The following DENND2B variants were observed in gnomAD, a reference collection of about 807,000 sequenced individuals.
The protein encoded by DENND2B is DENN domain containing 2B.
In DENND2B, 32 loss-of-function variants were observed where a neutral mutation model predicts 116.0. The observed-to-expected ratio is 0.28, with a 90% CI of 0.21 to 0.37. The LOEUF is 0.37. DENND2B is among the 10% of genes least tolerant of loss of function. DENND2B has a pLI of 1.00. For synonymous variants in DENND2B, 588 were observed against 583.9 expected (o/e 1.01, Z -0.10); for missense variants, 1,276 against 1,477.7 (o/e 0.86, Z 2.24).
rs771529266 is a variant in DENND2B at position 8,718,366 on chromosome 11, G to C, written c.1478-474C>G. On this transcript the variant is annotated intron_variant, in intron 4 of 19. Transcript: ENST00000313726. ...ATCTCCCTGGGGACCTACTTTGGAG[G>C]GTGGGCATGGAGGAACTCACAGAAC... 10 of 1,535,348 alleles carry C rather than the reference G, an allele frequency of 6.5e-6. No homozygotes were observed. The South Asian group carries it at 1.2e-4, about 18-fold the overall frequency.
intron 1 of DENND2B, among the ~76,000 whole-genome samples, chr11:8,892,431 A>C (rs2064045635): frequency 1.3e-5 from 2 of 152,158 alleles, no homozygotes; most frequent in Non-Finnish European, 2.9e-5. Flanking sequence ...ACACAAAAAA[A>C]CCTTCAAAAA....
intron 1 of DENND2B, among the ~76,000 whole-genome samples, chr11:8,907,832 A>G (rs556857697): frequency 6.6e-4 from 101 of 152,244 alleles, no homozygotes; most frequent in Non-Finnish European, 1.4e-3. Flanking sequence ...AGTAGCTAGG[A>G]CTACAGGTAT....
intron 1 of DENND2B, among the ~76,000 whole-genome samples, chr11:8,786,086 G>A (rs2134293200): frequency 6.6e-6 from 1 of 152,318 alleles, no homozygotes; most frequent in South Asian, 2.1e-4. Flanking sequence ...TGTCTAAGGG[G>A]TATGATATAA....
At chr11:8,735,174 A>T (rs1366215790) in intron 2 of DENND2B, among the ~76,000 whole-genome samples, 1 of 152,244 alleles carries the variant, frequency 6.6e-6, no homozygotes, top group Non-Finnish European at 1.5e-5. Context: ...TCAAATTCTA[A>T]ACTTGAGGCC....
intron 14 of DENND2B, among the ~76,000 whole-genome samples, chr11:8,701,358 GGA>G (rs1403949688): frequency 0.022 from 429 of 19,782 alleles, 2 homozygotes; most frequent in Non-Finnish European, 0.031. Context: ...GGGGGGGGGG[GGA>G]GGGGCTACAT....
chr11:8,853,773 A>G (rs866166040), intron 3 of DENND2B, among the ~76,000 whole-genome samples: 4 of 152,154 alleles, frequency 2.6e-5, no homozygotes, highest in African/African-American at 9.7e-5. Context: ...AAAGGAGAGG[A>G]CTAAGATTTT....
chr11:8,694,155 G>A (rs766437257), intron 19 of DENND2B, 25 bp from the exon 20 acceptor site: 1 of 1,614,022 alleles, frequency 6.2e-7, no homozygotes, highest in East Asian at 2.2e-5. Context: ...GGACAAGAGA[G>A]AATGTTCAGT....
At chr11:8,846,808 G>A (rs771774537) in intron 3 of DENND2B, among the ~76,000 whole-genome samples, 2 of 152,038 alleles carry the variant, frequency 1.3e-5, no homozygotes, top group Admixed American at 6.6e-5. Flanking sequence ...TTTCTAAACC[G>A]CTCCATGATC....
chr11:8,889,833 A>G (rs1322118205), intron 1 of DENND2B, among the ~76,000 whole-genome samples: 1 of 152,216 alleles, frequency 6.6e-6, no homozygotes, highest in Non-Finnish European at 1.5e-5. Context: ...ATAGCCAAAC[A>G]AAAGGCAGCA....
chr11:8,829,892 A>G (rs577496157), intron 4 of DENND2B, among the ~76,000 whole-genome samples: 5 of 152,292 alleles, frequency 3.3e-5, no homozygotes, highest in South Asian at 2.1e-4. Context: ...AAGTCCAAGT[A>G]CTTCACAAAC....
chr11:8,816,104 G>A (rs1419976395), intron 4 of DENND2B, among the ~76,000 whole-genome samples: 1 of 152,152 alleles, frequency 6.6e-6, no homozygotes, highest in East Asian at 1.9e-4. Context: ...AGTAAAATGG[G>A]CTGTTCTTTC....
rs749152019 is a variant in DENND2B at position 8,729,982 on chromosome 11, C to T, written c.1308G>A (p.Lys436=). Residue 436 remains lysine (K), a synonymous_variant, in exon 3 of 20, where the codon AAG becomes AAA. Coordinates refer to ENST00000313726, the MANE Select transcript of DENND2B (RefSeq NM_213618.2). ...GGGACTTGCGGTGACCACGCATGTC[C>T]TTCTTGGGTCTCCGGGTGACTGGCG... ...PAPPVTRRPK[K]DMRGHRKSQS... The T allele has an allele frequency of 6.2e-6, 10 of 1,614,016 alleles. No individual in the cohort carries two copies. The Middle Eastern group carries it at 4.9e-4, about 80-fold the overall frequency.
intron 2 of DENND2B, among the ~76,000 whole-genome samples, chr11:8,868,243 A>G (rs2063653609): frequency 6.6e-6 from 1 of 152,250 alleles, no homozygotes. Flanking sequence ...TATCCTGGCT[A>G]CATTTCCTTT....
chr11:8,875,818 T>C (rs1298125785), upstream of DENND2B, among the ~76,000 whole-genome samples: 1 of 152,088 alleles, frequency 6.6e-6, no homozygotes, highest in East Asian at 1.9e-4. Flanking sequence ...ATATAAATGA[T>C]CCCCAATATA....
chr11:8,710,928 A>G lies in DENND2B; in HGVS notation c.2283-14T>C. 1.2e-6 allele frequency: 2 copies of G among 1,613,970 alleles called. No individual in the cohort carries two copies. Among genetic ancestry groups the G allele is most frequent in the Non-Finnish European group, 1.7e-6 (2 of 1,179,942 alleles). On this transcript the variant is annotated splice_polypyrimidine_tract_variant and intron_variant, in intron 10 of 19. Transcript: ENST00000313726. Reference sequence around the variant, plus strand: ...GAAAAGGTCTCACTGGAACAAAGAGAGGTCTGGCATCAGGGAGGTGTGAGA... The same window carrying G: ...GAAAAGGTCTCACTGGAACAAAGAGGGGTCTGGCATCAGGGAGGTGTGAGA...
At chr11:8,739,267 C>T (rs915157340) in intron 2 of DENND2B, among the ~76,000 whole-genome samples, 4 of 152,102 alleles carry the variant, frequency 2.6e-5, no homozygotes, top group East Asian at 1.9e-4. Context: ...CCAGTATCGC[C>T]GTCAGCCCCC....
intron 2 of DENND2B, among the ~76,000 whole-genome samples, chr11:8,749,163 A>G (rs954126672): frequency 6.6e-5 from 10 of 152,222 alleles, no homozygotes; most frequent in African/African-American, 2.4e-4. Context: ...CAAGAGCCCA[A>G]CAACATGGTT....
At chr11:8,701,839 A>G (rs2041749259) in intron 14 of DENND2B, among the ~76,000 whole-genome samples, 1 of 150,984 alleles carries the variant, frequency 6.6e-6, no homozygotes, top group Admixed American at 6.6e-5. Context: ...CGACACCTCT[A>G]CCTCTAAAAT....
intron 2 of DENND2B, among the ~76,000 whole-genome samples, chr11:8,877,877 A>T (rs1043643881): frequency 2.0e-5 from 3 of 152,230 alleles, no homozygotes; most frequent in South Asian, 2.1e-4. Flanking sequence ...GGGGAATAAA[A>T]GTAATAAGTT....
Sources: allele counts gnomAD v4.1 joint callset (sites outside exome capture counted in the v4.1 genomes callset), GRCh38; gene constraint gnomAD v4.1.1; transcripts MANE v1.5; gene names NCBI Gene and HGNC (gene_info 2026-07-23, HGNC 2026-07-21).